The following JMJD1C variants were observed in gnomAD, a reference collection of about 807,000 sequenced individuals.
JMJD1C encodes jumonji domain-containing protein 1C.
JMJD1C carries 31 observed loss-of-function variants against 245.3 expected under a neutral mutation model. The ratio of observed to expected loss-of-function variants is 0.13; its 90% CI spans 0.09 to 0.17. The LOEUF is 0.17. Among genes scored for constraint, JMJD1C ranks in the 10% least tolerant of loss-of-function variants. JMJD1C has a pLI of 1.00. For synonymous variants in JMJD1C, 1,057 were observed against 1,017.4 expected (o/e 1.04, Z -0.74); for missense variants, 2,691 against 3,000.2 (o/e 0.90, Z 2.41).
At chr10:63,275,745 A>T (rs1202159089) in intron 2 of JMJD1C, among the ~76,000 whole-genome samples, 1 of 152,226 alleles carries the variant, frequency 6.6e-6, no homozygotes, top group Admixed American at 6.5e-5. Context: ...TTTGTAAAAT[A>T]AATGCATGAA....
intron 1 of JMJD1C, among the ~76,000 whole-genome samples, chr10:63,403,100 T>G (rs1948962849): frequency 6.6e-6 from 1 of 152,198 alleles, no homozygotes; most frequent in African/African-American, 2.4e-5. Context: ...ACTCTCTGGA[T>G]CTCTGCTTTT....
chr10:63,312,642 A>T (rs1183038488), intron 2 of JMJD1C, among the ~76,000 whole-genome samples: 2 of 152,222 alleles, frequency 1.3e-5, no homozygotes, highest in Non-Finnish European at 2.9e-5. Context: ...TGGAAATCTG[A>T]ACTAAACAAT....
rs531431426 is a variant in JMJD1C at position 63,386,529 on chromosome 10, T to TGC, written c.169-6049_169-6048dup. ...AGCCCCCTCCAGTATGTAAGCACAT[T>TGC]GCTCAGGGTCTGGAGATTACCTTGC... On this transcript the variant is annotated intron_variant, in intron 1 of 25. Transcript: ENST00000399262. 5.3e-5 allele frequency among the ~76,000 whole-genome samples: 8 copies of TGC among 152,330 alleles called. No homozygotes were observed. In the South Asian group the frequency reaches 1.7e-3, roughly 32 times the overall value.
At chr10:63,194,545 G>C in intron 13 of JMJD1C, 170 bp from the exon 14 acceptor site, 2 of 502,762 alleles carry the variant, frequency 4.0e-6, no homozygotes, top group Non-Finnish European at 7.1e-6. Context: ...ATATGCTTTA[G>C]ATGTTTGGTT....
At chr10:63,436,383 A>C (rs1487571635) in intron 1 of JMJD1C, among the ~76,000 whole-genome samples, 1 of 152,144 alleles carries the variant, frequency 6.6e-6, no homozygotes, top group Non-Finnish European at 1.5e-5. Flanking sequence ...TCACTCTTAA[A>C]ATCTCCTTTG....
At chr10:63,428,216 T>C (rs1231039849) in intron 1 of JMJD1C, among the ~76,000 whole-genome samples, 1 of 152,180 alleles carries the variant, frequency 6.6e-6, no homozygotes, top group African/African-American at 2.4e-5. Context: ...ACTACATCAA[T>C]CACTTTTTTT....
At chr10:63,285,501 C>T (rs75129710) in intron 2 of JMJD1C, among the ~76,000 whole-genome samples, 3,663 of 152,280 alleles carry the variant, frequency 0.024, 104 homozygotes, top group African/African-American at 0.067. Context: ...CTCTTGTCTC[C>T]TTCCTAGCCA....
intron 1 of JMJD1C, among the ~76,000 whole-genome samples, chr10:63,396,094 C>T (rs1030377613): frequency 6.6e-6 from 1 of 151,768 alleles, no homozygotes; most frequent in Non-Finnish European, 1.5e-5. Flanking sequence ...AAATTAAATG[C>T]ATAAGTAGAG....
intron 2 of JMJD1C, among the ~76,000 whole-genome samples, chr10:63,307,742 C>T (rs1938475205): frequency 6.6e-6 from 1 of 152,028 alleles, no homozygotes; most frequent in Non-Finnish European, 1.5e-5. Flanking sequence ...TGACTCTGTA[C>T]TAGGGAGATT....
At chr10:63,264,005 CACAA>C (rs1392399520) in intron 3 of JMJD1C, among the ~76,000 whole-genome samples, 4 of 142,028 alleles carry the variant, frequency 2.8e-5, no homozygotes, top group East Asian at 2.1e-4. Context: ...CACACACACA[CACAA>C]TTCTGTGAGC....
At position 63,204,226 on chromosome 10, in the gene JMJD1C, T is replaced by C. The variant is rs898835263; in HGVS notation, c.5074+2369A>G. 9 of 985,188 alleles carry C rather than the reference T, an allele frequency of 9.1e-6. No homozygotes were observed. In the Admixed American group the frequency reaches 2.5e-4, roughly 27 times the overall value. 61.0% of individuals were successfully genotyped at this position (985,188 alleles called of 1,614,324 possible). Reference sequence around the variant, plus strand: ...GATGACATCTAATATTGACTTAATATTACTTTGGACTTGGTGAACAAATGG... The same window carrying C: ...GATGACATCTAATATTGACTTAATACTACTTTGGACTTGGTGAACAAATGG... On this transcript the variant is annotated intron_variant, in intron 10 of 25. Transcript: ENST00000399262.
intron 2 of JMJD1C, among the ~76,000 whole-genome samples, chr10:63,291,919 G>A (rs1423331550): frequency 6.6e-6 from 1 of 152,002 alleles, no homozygotes; most frequent in Admixed American, 6.6e-5. Flanking sequence ...GTATAGACAT[G>A]AGAAATGTGT....
intron 2 of JMJD1C, among the ~76,000 whole-genome samples, chr10:63,279,723 TAC>T (rs1056292638): frequency 6.6e-6 from 1 of 152,224 alleles, no homozygotes; most frequent in Non-Finnish European, 1.5e-5. Flanking sequence ...GCCACTGTAC[TAC>T]AGTCTAGATG....
At chr10:63,285,103 T>C (rs1009297247) in intron 2 of JMJD1C, among the ~76,000 whole-genome samples, 3 of 152,058 alleles carry the variant, frequency 2.0e-5, no homozygotes, top group South Asian at 2.1e-4. Flanking sequence ...TCACAACCAG[T>C]TTGTGACCAA....
intron 2 of JMJD1C, among the ~76,000 whole-genome samples, chr10:63,337,599 AAAAGAAAAGAAAAGAAAAG>A (rs1564804578): frequency 5.3e-5 from 6 of 112,792 alleles, no homozygotes; most frequent in African/African-American, 2.0e-4. Flanking sequence ...AAAAGAAAAG[AAAAGAAAAGAAAAGAAAAG>A]AAAAGAAAAA....
chr10:63,296,013 A>ATATATTTTTTT (rs71025149), intron 2 of JMJD1C, among the ~76,000 whole-genome samples: 1 of 84,280 alleles, frequency 1.2e-5, no homozygotes, highest in Non-Finnish European at 2.4e-5. Context: ...GTATATATAT[A>ATATATTTTTTT]TTTTTTTTTT....
intron 1 of JMJD1C, among the ~76,000 whole-genome samples, chr10:63,382,109 G>A (rs759408994): frequency 1.3e-5 from 2 of 152,188 alleles, no homozygotes; most frequent in African/African-American, 2.4e-5. Context: ...TACTCAGGAA[G>A]CTGAGGCAGG....
intron 1 of JMJD1C, among the ~76,000 whole-genome samples, chr10:63,487,043 A>G (rs1191246284): frequency 1.3e-5 from 2 of 152,222 alleles, no homozygotes; most frequent in Admixed American, 6.5e-5. Context: ...CACAAAATTG[A>G]AGGAGGACAA....
At chr10:63,177,584 C>CA (rs897818477) in intron 23 of JMJD1C, 133 bp downstream of exon 23, 25 of 883,048 alleles carry the variant, frequency 2.8e-5, no homozygotes, top group Non-Finnish European at 4.1e-5. Context: ...TGACTTTCAA[C>CA]AAAAACTCCC....
Sources: allele counts gnomAD v4.1 joint callset (sites outside exome capture counted in the v4.1 genomes callset), GRCh38; gene constraint gnomAD v4.1.1; transcripts MANE v1.5; gene names NCBI Gene and HGNC (gene_info 2026-07-23, HGNC 2026-07-21).